The following TEX2 variants were observed in gnomAD, a reference collection of about 807,000 sequenced individuals.
The protein encoded by TEX2 is testis-expressed protein 2.
TEX2 carries 53 observed loss-of-function variants against 106.9 expected under a neutral mutation model. The ratio of observed to expected loss-of-function variants is 0.50; its 90% CI spans 0.40 to 0.62. The LOEUF is 0.62. Ranked by LOEUF, TEX2 falls within the 20% of genes least tolerant of loss-of-function variation. The probability of loss-of-function intolerance (pLI) is 0.00; values close to 1 mark genes in which losing one functional copy is unlikely to be tolerated. For missense variants in TEX2, 1,207 were observed against 1,379.0 expected, an observed-to-expected ratio of 0.88 and a Z score of 1.98; for synonymous variants, 523 against 534.8, an observed-to-expected ratio of 0.98 and a Z score of 0.30.
intron 8 of TEX2, among the ~76,000 whole-genome samples, chr17:64,157,120 G>A (rs996750279): frequency 2.0e-5 from 3 of 152,244 alleles, no homozygotes; most frequent in African/African-American, 7.2e-5. Context: ...AATTATAAGT[G>A]TAGCCCAGTG....
intron 1 of TEX2, among the ~76,000 whole-genome samples, chr17:64,256,431 G>A (rs1038733068): frequency 2.6e-5 from 4 of 152,118 alleles, no homozygotes; most frequent in African/African-American, 4.8e-5. Context: ...CATGTCCTCT[G>A]CAGAATGGCA....
chr17:64,183,310 G>A (rs2031951848), intron 5 of TEX2, among the ~76,000 whole-genome samples: 1 of 152,252 alleles, frequency 6.6e-6, no homozygotes, highest in African/African-American at 2.4e-5. Flanking sequence ...ATTTAGGAGT[G>A]GAACTGCTGG....
intron 1 of TEX2, among the ~76,000 whole-genome samples, chr17:64,257,092 G>A (rs1555637844): frequency 6.6e-6 from 1 of 152,208 alleles, no homozygotes; most frequent in Non-Finnish European, 1.5e-5. Context: ...GCCCAGTGCT[G>A]CTTTCAACTG....
At chr17:64,161,775 C>T (rs1175206970) in intron 7 of TEX2, among the ~76,000 whole-genome samples, 1 of 152,026 alleles carries the variant, frequency 6.6e-6, no homozygotes, top group Non-Finnish European at 1.5e-5. Flanking sequence ...ATTTTTCAGA[C>T]TCGGGGCTCC....
At chr17:64,177,283 G>C (rs752502300) in intron 6 of TEX2, 42 bp downstream of exon 6, 4 of 1,602,634 alleles carry the variant, frequency 2.5e-6, no homozygotes, top group East Asian at 2.2e-5. Context: ...CAGAAATGAA[G>C]AAGTATAGAG....
At chr17:64,180,334 G>C (rs773612414) in intron 5 of TEX2, among the ~76,000 whole-genome samples, 2 of 152,128 alleles carry the variant, frequency 1.3e-5, no homozygotes, top group Non-Finnish European at 2.9e-5. Context: ...AGAAACAAAG[G>C]CTATTTCACA....
chr17:64,167,948 C>G (rs1188505020), intron 7 of TEX2, among the ~76,000 whole-genome samples: 1 of 152,172 alleles, frequency 6.6e-6, no homozygotes, highest in Non-Finnish European at 1.5e-5. Flanking sequence ...TGCCTCTTGC[C>G]TCAAGAAGAG....
chr17:64,177,584 G>A (rs2031666438), intron 5 of TEX2, 113 bp from the exon 6 acceptor site: 5 of 1,090,656 alleles, frequency 4.6e-6, no homozygotes, highest in Admixed American at 2.3e-5. Context: ...GAGACCACAC[G>A]AGTCATACTC....
intron 8 of TEX2, among the ~76,000 whole-genome samples, chr17:64,160,028 C>T (rs2030811730): frequency 1.3e-5 from 2 of 152,196 alleles, no homozygotes; most frequent in Non-Finnish European, 2.9e-5. Context: ...ATTTTCATGT[C>T]ATCATACTGT....
intron 4 of TEX2, among the ~76,000 whole-genome samples, chr17:64,190,863 A>G (rs1234069044): frequency 6.6e-6 from 1 of 152,176 alleles, no homozygotes; most frequent in Non-Finnish European, 1.5e-5. Context: ...TTGCTAGAGA[A>G]ATCTATGATT....
intron 2 of TEX2, among the ~76,000 whole-genome samples, chr17:64,197,392 A>C (rs1250025382): frequency 2.0e-5 from 3 of 152,070 alleles, no homozygotes; most frequent in Admixed American, 6.6e-5. Flanking sequence ...TATGTTGTCC[A>C]ATTTCTGGGC....
intron 1 of TEX2, among the ~76,000 whole-genome samples, chr17:64,219,418 A>G (rs558616125): frequency 3.3e-5 from 5 of 152,180 alleles, no homozygotes; most frequent in African/African-American, 9.6e-5. Flanking sequence ...AGACACAAGA[A>G]TCGCTTGAAA....
intron 2 of TEX2, among the ~76,000 whole-genome samples, chr17:64,212,116 A>G (rs547096752): frequency 6.6e-6 from 1 of 152,228 alleles, no homozygotes; most frequent in African/African-American, 2.4e-5. Context: ...CCCATTCCCC[A>G]CCGTGCAAAG....
intron 4 of TEX2, among the ~76,000 whole-genome samples, chr17:64,190,522 T>C (rs1373398243): frequency 2.0e-5 from 3 of 152,142 alleles, no homozygotes; most frequent in African/African-American, 4.8e-5. Context: ...CTGGTGCTCA[T>C]TGCCCACAGA....
At chr17:64,257,996 C>G (rs1314235319) in intron 1 of TEX2, among the ~76,000 whole-genome samples, 1 of 151,892 alleles carries the variant, frequency 6.6e-6, no homozygotes, top group Non-Finnish European at 1.5e-5. Context: ...ACTGCAACCT[C>G]CGCCTCCTGG....
chr17:64,160,757 G>A, intron 8 of TEX2, 44 bp downstream of exon 8: 1 of 1,606,330 alleles, frequency 6.2e-7, no homozygotes. Flanking sequence ...GGGAGAAGCT[G>A]GTGCCCCAGG....
At chr17:64,155,217 CAGA>C in intron 8 of TEX2, 1 of 375,492 alleles carries the variant, frequency 2.7e-6, no homozygotes, top group Non-Finnish European at 4.7e-6. Flanking sequence ...GCCTTGGACC[CAGA>C]AGAGGTTGCT....
At chr17:64,259,664 G>C (rs1444937742) in intron 1 of TEX2, among the ~76,000 whole-genome samples, 13 of 152,176 alleles carry the variant, frequency 8.5e-5, no homozygotes, top group African/African-American at 2.7e-4. Flanking sequence ...CAAATCTTAC[G>C]AGATGCTTCC....
At chr17:64,154,706 T>A in intron 9 of TEX2, 136 bp downstream of exon 9, 1 of 1,120,772 alleles carries the variant, frequency 8.9e-7, no homozygotes, top group Non-Finnish European at 1.2e-6. Flanking sequence ...TGACCTGGGA[T>A]ATTAATAAAA....
Sources: allele counts gnomAD v4.1 joint callset (sites outside exome capture counted in the v4.1 genomes callset), GRCh38; gene constraint gnomAD v4.1.1; transcripts MANE v1.5; gene names NCBI Gene and HGNC (gene_info 2026-07-23, HGNC 2026-07-21).